Variants in GRIK3 observed in about 807,000 individuals in gnomAD.
GRIK3 encodes glutamate receptor ionotropic, kainate 3.
GRIK3 carries 29 observed loss-of-function variants against 102.5 expected under a neutral mutation model. The ratio of observed to expected loss-of-function variants is 0.28; its 90% CI spans 0.21 to 0.39. The LOEUF (loss-of-function observed/expected upper bound fraction) is 0.39. GRIK3 is among the 10% of genes least tolerant of loss of function. The pLI is 1.00. For missense variants in GRIK3, 908 were observed against 1,252.4 expected (o/e 0.73, Z 4.15); for synonymous variants, 511 against 504.9 (o/e 1.01, Z -0.16).
At chr1:36,910,175 CT>C (rs1641329437) in intron 1 of GRIK3, among the ~76,000 whole-genome samples, 1 of 152,248 alleles carries the variant, frequency 6.6e-6, no homozygotes, top group African/African-American at 2.4e-5. Flanking sequence ...TCAGGCAGGA[CT>C]TAAGGCCTGC....
rs1642369053 is a variant in GRIK3 at position 36,796,718 on chromosome 1, C to G, written c.*5133G>C. On this transcript the variant is annotated 3_prime_UTR_variant, in exon 16 of 16. Coordinates refer to ENST00000373091, the MANE Select transcript of GRIK3 (RefSeq NM_000831.4). ...CTGTGTTGTGTGCAAGTTGTGACTGCTTCTGCATGTGGGTGAGAATCAGAG... is the reference window on the plus strand; with the variant it reads ...CTGTGTTGTGTGCAAGTTGTGACTGGTTCTGCATGTGGGTGAGAATCAGAG... 6.6e-6 allele frequency: 1 copy of G among 152,254 alleles called. No individual in the cohort carries two copies. Among genetic ancestry groups the G allele is most frequent in the Non-Finnish European group, 1.5e-5 (1 of 68,072 alleles). 9.4% of individuals were successfully genotyped at this position (152,254 alleles called of 1,614,324 possible). A position where few individuals can be genotyped will look rare whatever the true frequency, so the allele number is the denominator to read the frequency against.
chr1:36,867,849 A>G (rs970256124), intron 5 of GRIK3, among the ~76,000 whole-genome samples: 3 of 152,120 alleles, frequency 2.0e-5, no homozygotes, highest in African/African-American at 7.2e-5. Flanking sequence ...TATCCTATTA[A>G]AAGCATCTCT....
chr1:36,831,874 C>T (rs1640304465), intron 10 of GRIK3, among the ~76,000 whole-genome samples: 1 of 152,238 alleles, frequency 6.6e-6, no homozygotes, highest in South Asian at 2.1e-4. Context: ...CATCTCTCTT[C>T]CTCCCAGGCT....
At chr1:36,966,107 T>A (rs545470603) in intron 1 of GRIK3, among the ~76,000 whole-genome samples, 1 of 152,346 alleles carries the variant, frequency 6.6e-6, no homozygotes, top group African/African-American at 2.4e-5. Context: ...GACAGGGGTA[T>A]AGGACATGCT....
chr1:36,981,452 C>A (rs1050175586), intron 1 of GRIK3, among the ~76,000 whole-genome samples: 2 of 152,202 alleles, frequency 1.3e-5, no homozygotes, highest in African/African-American at 2.4e-5. Context: ...GAAACTGCCA[C>A]CATGAGAGCT....
chr1:36,937,354 G>A (rs141493876), intron 1 of GRIK3, among the ~76,000 whole-genome samples: 8 of 152,250 alleles, frequency 5.3e-5, no homozygotes, highest in African/African-American at 1.9e-4. Context: ...AGTTGAGAAG[G>A]GAGAAGGCAA....
rs369947716 is a variant in GRIK3, at chr1:36,881,985, G to A, written c.293-1094C>T. Among the ~76,000 whole-genome samples, 10 of 149,912 alleles carry A rather than the reference G, an allele frequency of 6.7e-5. No individual in the cohort carries two copies. The East Asian group carries it at 1.6e-3, about 24-fold the overall frequency. ...GGCTGGAATGCTCTTCCCTCATAGAGCCTCAAGACTCCCTCCCCCTCCTCC... is the reference window on the plus strand; with the variant it reads ...GGCTGGAATGCTCTTCCCTCATAGAACCTCAAGACTCCCTCCCCCTCCTCC... On this transcript the variant is annotated intron_variant, in intron 2 of 15. Coordinates refer to ENST00000373091, the MANE Select transcript of GRIK3 (RefSeq NM_000831.4).
chr1:36,968,220 CGTGT>C (rs66480824), intron 1 of GRIK3, among the ~76,000 whole-genome samples: 13,685 of 140,924 alleles, frequency 0.097, 666 homozygotes, highest in Non-Finnish European at 0.11. Flanking sequence ...TCTCTCTCTC[CGTGT>C]GTGTGTGTGT....
chr1:36,958,108 CCG>C (rs1641946099), intron 1 of GRIK3, among the ~76,000 whole-genome samples: 1 of 100,590 alleles, frequency 9.9e-6, no homozygotes, highest in Non-Finnish European at 1.9e-5. Context: ...CCTGTGTGCC[CCG>C]TGAGTCTGTG....
intron 1 of GRIK3, among the ~76,000 whole-genome samples, chr1:36,899,373 G>A (rs140803368): frequency 2.0e-5 from 3 of 152,172 alleles, no homozygotes; most frequent in East Asian, 1.9e-4. Flanking sequence ...ATGTTACATC[G>A]TGAATAAACA....
At chr1:36,964,415 C>G (rs1008684186) in intron 1 of GRIK3, among the ~76,000 whole-genome samples, 9 of 152,192 alleles carry the variant, frequency 5.9e-5, no homozygotes, top group Non-Finnish European at 1.2e-4. Context: ...GGCCTCCACA[C>G]AGTGACCCCT....
intron 1 of GRIK3, among the ~76,000 whole-genome samples, chr1:36,999,579 C>T (rs1642453854): frequency 6.6e-6 from 1 of 152,102 alleles, no homozygotes. Flanking sequence ...TCTGCCCCAC[C>T]TCAGCCAAGA....
intron 10 of GRIK3, among the ~76,000 whole-genome samples, chr1:36,827,761 G>A (rs536751988): frequency 1.1e-3 from 162 of 152,232 alleles, no homozygotes; most frequent in African/African-American, 3.2e-3. Flanking sequence ...CACAGCTTCT[G>A]GACAGCTCTG....
At chr1:36,955,333 A>C (rs863700) in intron 1 of GRIK3, among the ~76,000 whole-genome samples, 148,739 of 152,294 alleles carry the variant, frequency 0.98, 72,657 homozygotes, top group Middle Eastern at 1. Flanking sequence ...AACACCACCC[A>C]AACTGTGCTT....
At position 36,801,798 on chromosome 1, in the gene GRIK3, C is replaced by T. The variant is rs1642442911; in HGVS notation, c.*53G>A. The T allele has an allele frequency of 5.4e-6, 8 of 1,471,108 alleles. No homozygotes were observed. The highest frequency in any genetic ancestry group is 7.3e-6 in the Non-Finnish European group (8 of 1,090,990). The allele number at this position is 1,471,108 out of a possible 1,614,324, so 91.1% of individuals were successfully genotyped here. A position where few individuals can be genotyped will look rare whatever the true frequency, so the allele number is the denominator to read the frequency against. On this transcript the variant is annotated 3_prime_UTR_variant, in exon 16 of 16. Coordinates refer to ENST00000373091, the MANE Select transcript of GRIK3 (RefSeq NM_000831.4). ...GACAGGGGACGTTCCTTCCAATCTCCTTTGCTTTCCTCTGCCCAGCCCCCA... is the reference window on the plus strand; with the variant it reads ...GACAGGGGACGTTCCTTCCAATCTCTTTTGCTTTCCTCTGCCCAGCCCCCA...
intron 1 of GRIK3, among the ~76,000 whole-genome samples, chr1:36,988,266 G>A (rs533349893): frequency 1.1e-4 from 17 of 152,270 alleles, no homozygotes; most frequent in African/African-American, 3.4e-4. Context: ...ACCCCAGCCT[G>A]GGCCACAGAG....
chr1:36,880,634 C>A lies in GRIK3; in HGVS notation c.550G>T (p.Gly184Trp). 1 of 1,614,034 alleles carries A rather than the reference C, an allele frequency of 6.2e-7. No individual in the cohort carries two copies. Among genetic ancestry groups the A allele is most frequent in the South Asian group, 1.1e-5 (1 of 91,068 alleles). The change falls in exon 3 of 16, where the codon GGG becomes TGG. Residue 184 changes from glycine (G) to tryptophan (W), a missense_variant and splice_region_variant. Around this residue, in one of 3 missense-constraint regions of GRIK3, gnomAD observed 585 missense variants for 824.9 expected, o/e 0.71. Coordinates refer to ENST00000373091, the MANE Select transcript of GRIK3 (RefSeq NM_000831.4). This position sits in a 1 kb window ranked among gnomAD's most constrained non-coding sequence, Gnocchi z 5.4. Reference sequence around the variant, plus strand: ...AGCCTAGCCAGGCCTGGCCACCCACCTGTACTGTCGTCATAGACCACGGTG... The same window carrying A: ...AGCCTAGCCAGGCCTGGCCACCCACATGTACTGTCGTCATAGACCACGGTG... ...SATVVYDDST[G>W]LIRLQELIMA...
At chr1:36,886,282 C>G (rs965651567) in intron 2 of GRIK3, among the ~76,000 whole-genome samples, 1 of 152,184 alleles carries the variant, frequency 6.6e-6, no homozygotes, top group Admixed American at 6.5e-5. Context: ...CCCCTCCCCC[C>G]ACAGGGCCCG....
At chr1:36,887,304 T>C (rs942592045) in intron 2 of GRIK3, among the ~76,000 whole-genome samples, 3 of 152,148 alleles carry the variant, frequency 2.0e-5, no homozygotes, top group South Asian at 2.1e-4. Context: ...CAACACAAAA[T>C]ACATTAACCA....
Sources: allele counts gnomAD v4.1 joint callset (sites outside exome capture counted in the v4.1 genomes callset), GRCh38; gene constraint gnomAD v4.1.1; regional missense constraint gnomAD v4.1.1; non-coding constraint Gnocchi (gnomAD v3.1); transcripts MANE v1.5; gene names NCBI Gene and HGNC (gene_info 2026-07-23, HGNC 2026-07-21).